ADGRL2: variants seen among roughly 807,000 people sequenced by gnomAD.
ADGRL2 encodes the protein adhesion G protein-coupled receptor L2.
A neutral mutation model predicts 157.4 loss-of-function variants in ADGRL2; 44 were observed. That is an observed-to-expected ratio of 0.28 (90% confidence interval 0.22 to 0.36). The LOEUF is 0.36. Ranked by LOEUF, ADGRL2 falls within the 10% of genes least tolerant of loss-of-function variation. The probability of loss-of-function intolerance (pLI) is 1.00; values close to 1 mark genes in which losing one functional copy is unlikely to be tolerated. For missense variants in ADGRL2, 1,510 were observed against 1,768.9 expected (o/e 0.85, Z 2.63); for synonymous variants, 585 against 624.7 (o/e 0.94, Z 0.95).
chr1:81,627,992 A>G (rs1400200963), intron 3 of ADGRL2, among the ~76,000 whole-genome samples: 1 of 152,180 alleles, frequency 6.6e-6, no homozygotes, highest in Non-Finnish European at 1.5e-5. Context: ...CTTATAGTCT[A>G]ACAATCATAT....
chr1:81,823,735 A>G (rs2091216664), intron 1 of ADGRL2, among the ~76,000 whole-genome samples: 1 of 152,154 alleles, frequency 6.6e-6, no homozygotes, highest in African/African-American at 2.4e-5. Flanking sequence ...TGGAAAAGGA[A>G]CAGTAGTTAG....
intron 2 of ADGRL2, among the ~76,000 whole-genome samples, chr1:81,463,828 T>A (rs953123288): frequency 2.0e-5 from 3 of 152,230 alleles, no homozygotes; most frequent in Non-Finnish European, 4.4e-5. Context: ...GTGTCCTTGG[T>A]GTCATTGTTT....
chr1:81,701,272 AT>A (rs1356895840), intron 1 of ADGRL2, among the ~76,000 whole-genome samples: 1 of 152,236 alleles, frequency 6.6e-6, no homozygotes, highest in Non-Finnish European at 1.5e-5. Context: ...ATTTATAACC[AT>A]TGATGCCAGG....
chr1:81,966,557 CCAG>C lies in ADGRL2; in HGVS notation c.2299_2301del (p.Ser767del). The C allele has an allele frequency of 2.5e-6, 4 of 1,613,986 alleles. No individual in the cohort carries two copies. Among genetic ancestry groups the C allele is most frequent in the Non-Finnish European group, 3.4e-6 (4 of 1,179,960 alleles). The stretch of plus-strand genomic sequence containing the variant: ...ATTTCAGTTTCAATCAATAAAGAGT[CCAG>C]CCGAGTATACCTGACTGATCCTGTG... On this transcript the variant is annotated inframe_deletion, in exon 13 of 24. Coordinates refer to ENST00000686636, the MANE Select transcript of ADGRL2 (RefSeq NM_001366006.2).
chr1:81,945,145 T>C (rs1263275576), intron 6 of ADGRL2, among the ~76,000 whole-genome samples: 5 of 152,066 alleles, frequency 3.3e-5, no homozygotes, highest in African/African-American at 9.7e-5. Context: ...CTTAGAATCA[T>C]TTATTTAAAA....
At chr1:81,801,870 C>T (rs1431879972) in intron 1 of ADGRL2, among the ~76,000 whole-genome samples, 1 of 152,178 alleles carries the variant, frequency 6.6e-6, no homozygotes, top group Non-Finnish European at 1.5e-5. Flanking sequence ...CGCTCTGATT[C>T]CCGATTTTTT....
At chr1:81,536,569 C>A (rs2079742972) in intron 2 of ADGRL2, among the ~76,000 whole-genome samples, 1 of 152,180 alleles carries the variant, frequency 6.6e-6, no homozygotes, top group African/African-American at 2.4e-5. Context: ...TTTGCTTTGA[C>A]TCTCAGAAAC....
In ADGRL2 at chr1:81,802,769, C is replaced by T. The variant is rs374791536; in HGVS notation, c.-101+1701C>T. Among the ~76,000 whole-genome samples, 188 of 152,118 alleles carry T rather than the reference C, an allele frequency of 1.2e-3. 7 individuals carry two copies. The South Asian group carries it at 0.035, about 29-fold the overall frequency. ...GAGCGGGGAGGCTGAGCGGCTGGAG[C>T]GAGTTCGGGGGAAGTGGACGGTGGG... On this transcript the variant is annotated intron_variant, in intron 1 of 23. Transcript: ENST00000686636.
chr1:81,457,243 G>A (rs753363273), intron 2 of ADGRL2, among the ~76,000 whole-genome samples: 51 of 151,930 alleles, frequency 3.4e-4, no homozygotes, highest in Admixed American at 3.9e-4. Context: ...CTTGACCACA[G>A]AAACCTTTGC....
At chr1:81,544,149 C>G (rs1471976746) in intron 2 of ADGRL2, among the ~76,000 whole-genome samples, 1 of 152,024 alleles carries the variant, frequency 6.6e-6, no homozygotes, top group African/African-American at 2.4e-5. Context: ...TCATCTATGA[C>G]CATGCTACAA....
chr1:81,461,180 A>T (rs2077919983), intron 2 of ADGRL2, among the ~76,000 whole-genome samples: 1 of 152,200 alleles, frequency 6.6e-6, no homozygotes, highest in Non-Finnish European at 1.5e-5. Context: ...CTAAGTTTTT[A>T]AAGGAGAAAT....
chr1:81,735,449 A>T (rs2084862641), intron 1 of ADGRL2: 1 of 151,788 alleles, frequency 6.6e-6, no homozygotes, highest in African/African-American at 2.4e-5. Context: ...ATTTTGGTAT[A>T]TGTTGTCTCT....
chr1:81,730,821 A>G (rs1251860804), intron 1 of ADGRL2, among the ~76,000 whole-genome samples: 1 of 152,114 alleles, frequency 6.6e-6, no homozygotes, highest in African/African-American at 2.4e-5. Flanking sequence ...TACCTTAATA[A>G]TTCAGATAAT....
At chr1:81,836,234 G>T (rs946400706) in intron 1 of ADGRL2, among the ~76,000 whole-genome samples, 3 of 151,930 alleles carry the variant, frequency 2.0e-5, no homozygotes, top group Non-Finnish European at 2.9e-5. Flanking sequence ...GAGAAAACTT[G>T]GTGTAAGAGT....
intron 3 of ADGRL2, among the ~76,000 whole-genome samples, chr1:81,635,392 G>T (rs1040726738): frequency 6.6e-6 from 1 of 152,164 alleles, no homozygotes; most frequent in South Asian, 2.1e-4. Flanking sequence ...GACTTAGAAA[G>T]CACTTCTCTC....
chr1:81,523,834 T>C (rs2079383143), intron 2 of ADGRL2, among the ~76,000 whole-genome samples: 1 of 144,232 alleles, frequency 6.9e-6, no homozygotes, highest in African/African-American at 2.6e-5. Flanking sequence ...GAGGCCGAAG[T>C]GGGCGGATCA....
rs1572271241 is a variant in ADGRL2, at chr1:81,943,994, C to T, written c.1210+225C>T. On this transcript the variant is annotated intron_variant, in intron 6 of 23. Coordinates refer to ENST00000686636, the MANE Select transcript of ADGRL2 (RefSeq NM_001366006.2). The surrounding 1 kb of genome is among the most constrained non-coding windows in gnomAD (Gnocchi z 5.6). ...TTGTGGCATTATTAGTCAGCTTAAA[C>T]TTTTTTCATTGCTAAAAATATAATA... Among the ~76,000 whole-genome samples the T allele has an allele frequency of 6.6e-6, 1 of 151,896 alleles. No individual in the cohort carries two copies. Among genetic ancestry groups the T allele is most frequent in the African/African-American group, 2.4e-5 (1 of 41,358 alleles).
rs1307496826 is a variant in ADGRL2 at position 81,837,062 on chromosome 1, G to T, written c.73+5G>T. ...GCTTCTTACCAAATACAGAAGGTAA[G>T]ATCCAGTTTACATTTTGTTTTTTAA... On this transcript the variant is annotated splice_donor_5th_base_variant and intron_variant, in intron 2 of 23. Coordinates refer to ENST00000686636, the MANE Select transcript of ADGRL2 (RefSeq NM_001366006.2). The T allele has an allele frequency of 6.4e-7, 1 of 1,559,772 alleles. No homozygotes were observed. Among genetic ancestry groups the T allele is most frequent in the Admixed American group, 1.9e-5 (1 of 51,738 alleles).
At chr1:81,855,163 G>A (rs1176792699) in intron 2 of ADGRL2, among the ~76,000 whole-genome samples, 1 of 152,122 alleles carries the variant, frequency 6.6e-6, no homozygotes, top group Non-Finnish European at 1.5e-5. Flanking sequence ...CAGAAGCCAG[G>A]CACAGTGGCT....
Sources: allele counts gnomAD v4.1 joint callset (sites outside exome capture counted in the v4.1 genomes callset), GRCh38; gene constraint gnomAD v4.1.1; non-coding constraint Gnocchi (gnomAD v3.1); transcripts MANE v1.5; gene names NCBI Gene and HGNC (gene_info 2026-07-23, HGNC 2026-07-21).